Variants in DSCAM observed in about 807,000 individuals in gnomAD.
The protein encoded by DSCAM is DS cell adhesion molecule, also known as cell adhesion molecule DSCAM.
A neutral mutation model predicts 217.7 loss-of-function variants in DSCAM; 47 were observed. The ratio of observed to expected loss-of-function variants is 0.22; its 90% CI spans 0.17 to 0.28. DSCAM has a LOEUF of 0.28. Ranked by LOEUF, DSCAM falls within the 10% of genes least tolerant of loss-of-function variation. DSCAM has a pLI of 1.00. For synonymous variants in DSCAM, 1,056 were observed against 1,015.3 expected (o/e 1.04, Z -0.76); for missense variants, 2,080 against 2,618.3 (o/e 0.79, Z 4.49).
intron 5 of DSCAM, among the ~76,000 whole-genome samples, chr21:40,351,012 G>A (rs1416406649): frequency 6.7e-6 from 1 of 149,606 alleles, no homozygotes; most frequent in African/African-American, 2.5e-5. Context: ...CAGCCTCCTG[G>A]GTAGCTGGGA....
At chr21:40,827,410 G>C (rs1389535343) in intron 1 of DSCAM, among the ~76,000 whole-genome samples, 1 of 148,184 alleles carries the variant, frequency 6.7e-6, no homozygotes. Context: ...TTGAGGCCAT[G>C]GTGAACTGTG....
intron 32 of DSCAM, among the ~76,000 whole-genome samples, chr21:40,017,616 C>T (rs984130422): frequency 6.6e-6 from 1 of 151,118 alleles, no homozygotes; most frequent in Non-Finnish European, 1.5e-5. Flanking sequence ...GGCTGGAGTG[C>T]AACTCGGTTC....
intron 4 of DSCAM, among the ~76,000 whole-genome samples, chr21:40,358,878 A>C (rs980691188): frequency 6.6e-6 from 1 of 152,128 alleles, no homozygotes; most frequent in Non-Finnish European, 1.5e-5. Flanking sequence ...ATTGAAAATC[A>C]TATTTCTAAT....
chr21:40,825,543 C>T lies in DSCAM; in HGVS notation c.43+21076G>A, dbSNP rs142104534. Among the ~76,000 whole-genome samples the T allele has an allele frequency of 5.0e-3, 767 of 152,170 alleles. 8 individuals carry two copies. The highest frequency in any genetic ancestry group is 0.017 in the African/African-American group (717 of 41,494). ...ATGCTGGCCAGGCTGGTCTTGAACT[C>T]CCCACCTTAGGCAATCTGCCCACCT... On this transcript the variant is annotated intron_variant, in intron 1 of 32. Transcript: ENST00000400454.
intron 11 of DSCAM, among the ~76,000 whole-genome samples, chr21:40,225,664 T>C (rs2091326342): frequency 6.6e-6 from 1 of 152,136 alleles, no homozygotes; most frequent in Non-Finnish European, 1.5e-5. Context: ...AACGTCTCTA[T>C]ATTCCCGGAG....
At chr21:40,554,821 TAC>T (rs1382078728) in intron 3 of DSCAM, among the ~76,000 whole-genome samples, 1 of 135,526 alleles carries the variant, frequency 7.4e-6, no homozygotes, top group African/African-American at 3.8e-5. Flanking sequence ...TTTTTGTTTT[TAC>T]GTTTTTGTAA....
chr21:40,232,330 T>G (rs982838215), intron 11 of DSCAM, among the ~76,000 whole-genome samples: 13 of 152,158 alleles, frequency 8.5e-5, no homozygotes, highest in African/African-American at 2.7e-4. Context: ...CTTTTGTGAG[T>G]TGCCATAAGA....
chr21:40,224,146 T>C (rs1569009227), intron 11 of DSCAM, among the ~76,000 whole-genome samples: 1 of 152,216 alleles, frequency 6.6e-6, no homozygotes, highest in East Asian at 1.9e-4. Flanking sequence ...TTGAACTCTT[T>C]AAATATCCTA....
At position 40,380,466 on chromosome 21, in the gene DSCAM, A is replaced by G. The variant is rs145811413; in HGVS notation, c.509-11221T>C. On this transcript the variant is annotated intron_variant, in intron 3 of 32. Transcript: ENST00000400454. The stretch of plus-strand genomic sequence containing the variant: ...TTGAAAGCAAATATTTCAGTTGGGA[A>G]CACAGACAAAAAGAGTACATTGACA... Among the ~76,000 whole-genome samples, 579 of 152,324 alleles carry G rather than the reference A, an allele frequency of 3.8e-3. 3 individuals are homozygous for G. Among genetic ancestry groups the G allele is most frequent in the African/African-American group, 0.013 (558 of 41,572 alleles).
chr21:40,475,125 A>G (rs1249613157), intron 3 of DSCAM, among the ~76,000 whole-genome samples: 1 of 152,210 alleles, frequency 6.6e-6, no homozygotes, highest in Non-Finnish European at 1.5e-5. Context: ...CTCCTCCTTC[A>G]GACTGTCGTG....
At chr21:40,381,033 A>G (rs1601600825) in intron 3 of DSCAM, among the ~76,000 whole-genome samples, 1 of 134,486 alleles carries the variant, frequency 7.4e-6, no homozygotes, top group East Asian at 2.5e-4. Flanking sequence ...ACTGCACTCC[A>G]GCCTGGGCGA....
chr21:40,582,999 A>T (rs369327425), intron 3 of DSCAM, among the ~76,000 whole-genome samples: 2 of 152,314 alleles, frequency 1.3e-5, no homozygotes, highest in South Asian at 2.1e-4. Context: ...AGATGAATTA[A>T]ACTTACCAAA....
intron 16 of DSCAM, among the ~76,000 whole-genome samples, chr21:40,149,310 C>T (rs1568968486): frequency 2.0e-5 from 3 of 148,570 alleles, no homozygotes; most frequent in Non-Finnish European, 4.5e-5. Context: ...CACCACCATC[C>T]GTCACTTCAT....
chr21:40,063,883 C>T (rs1278757828), intron 27 of DSCAM, among the ~76,000 whole-genome samples: 2 of 152,098 alleles, frequency 1.3e-5, no homozygotes, highest in African/African-American at 4.8e-5. Flanking sequence ...ATGAGCCAAG[C>T]TTAGTTCGTT....
At chr21:40,780,542 A>T (rs2091534880) in intron 1 of DSCAM, among the ~76,000 whole-genome samples, 1 of 151,450 alleles carries the variant, frequency 6.6e-6, no homozygotes, top group African/African-American at 2.4e-5. Context: ...TCCCCACAAA[A>T]TTCATGTGTT....
chr21:40,815,780 A>C (rs1207778763), intron 1 of DSCAM, among the ~76,000 whole-genome samples: 1 of 152,232 alleles, frequency 6.6e-6, no homozygotes, highest in East Asian at 1.9e-4. Flanking sequence ...CAAACTGAAC[A>C]CACACCTCTA....
intron 4 of DSCAM, 99 bp from the exon 5 acceptor site, chr21:40,353,842 T>TAGTTGGTATGATGC: frequency 9.6e-7 from 1 of 1,037,072 alleles, no homozygotes. Context: ...CGGTGCATCA[T>TAGTTGGTATGATGC]ACCAACTATT....
chr21:40,745,789 C>A (rs2091168374), intron 1 of DSCAM, among the ~76,000 whole-genome samples: 1 of 151,876 alleles, frequency 6.6e-6, no homozygotes, highest in Admixed American at 6.6e-5. Flanking sequence ...GGAACGTAAA[C>A]CACTTGGATC....
chr21:40,233,751 C>T (rs370348901), intron 11 of DSCAM, among the ~76,000 whole-genome samples: 1 of 152,136 alleles, frequency 6.6e-6, no homozygotes, highest in Non-Finnish European at 1.5e-5. Context: ...TTTGACAGAA[C>T]GGTATCTACT....
Sources: gnomAD v4.1 joint callset for allele counts (sites outside exome capture counted in the v4.1 genomes callset) on GRCh38, gnomAD v4.1.1 for gene constraint, MANE v1.5 for transcripts, NCBI Gene and HGNC (gene_info 2026-07-23, HGNC 2026-07-21) for gene names.